LIPA: variants seen among roughly 807,000 people sequenced by gnomAD.
LIPA encodes the protein lysosomal acid lipase/cholesteryl ester hydrolase.
LIPA carries 26 observed loss-of-function variants against 40.6 expected under a neutral mutation model. The ratio of observed to expected loss-of-function variants is 0.64; its 90% confidence interval spans 0.47 to 0.89. The LOEUF is 0.89. Among genes scored for constraint, LIPA ranks in the 40% least tolerant of loss-of-function variants. The pLI is 0.00. For missense variants in LIPA, 455 were observed against 479.6 expected (o/e 0.95, Z 0.48); for synonymous variants, 188 against 168.4 (o/e 1.12, Z -0.90).
chr10:89,384,606 C>G, intron 2 of LIPA: 2 of 1,614,128 alleles, frequency 1.2e-6, no homozygotes, highest in African/African-American at 1.3e-5. Flanking sequence ...GATGTATTCA[C>G]CAGAATGTAC....
At chr10:89,329,320 G>T (rs933694796) in intron 1 of LIPA, among the ~76,000 whole-genome samples, 5 of 152,200 alleles carry the variant, frequency 3.3e-5, no homozygotes, top group African/African-American at 1.2e-4. Context: ...TATAGAATAA[G>T]TTCCTGGTCA....
In LIPA at chr10:89,228,379, G is replaced by T; in HGVS notation, c.249C>A (p.Phe83Leu). 1.2e-6 allele frequency: 2 copies of T among 1,614,192 alleles called. No homozygotes were observed. The highest frequency in any genetic ancestry group is 2.2e-5 in the East Asian group (1 of 44,886). Residue 83 changes from phenylalanine (F) to leucine (L), a missense_variant, in exon 4 of 10, where the codon TTC becomes TTA. Transcript: ENST00000336233. ...AATCTGCCAGCAAGCCATGTTGCAG[G>T]AAGACAACTGGTTTGGGACCTGAAA... ...HSDKGPKPVV[F>L]LQHGLLADSS... is the part of the protein sequence containing the mutation.
chr10:89,359,640 C>T (rs80304045), intron 2 of LIPA, among the ~76,000 whole-genome samples: 1,938 of 152,278 alleles, frequency 0.013, 24 homozygotes, highest in Middle Eastern at 0.041. Context: ...TGCTCCTATT[C>T]GCAGAGGCTC....
At chr10:89,283,930 G>A (rs1843328012) in intron 1 of LIPA, 1 of 152,202 alleles carries the variant, frequency 6.6e-6, no homozygotes, top group South Asian at 2.1e-4. Flanking sequence ...TTGAAATTAT[G>A]TTGTGTGCCT....
upstream of LIPA, among the ~76,000 whole-genome samples, chr10:89,346,015 G>T (rs11203082): frequency 0.015 from 2,340 of 152,254 alleles, 29 homozygotes; most frequent in African/African-American, 0.035. Context: ...TGCCTTTGAG[G>T]CAGAAAGATT....
At chr10:89,279,627 T>C (rs1004923388) in intron 1 of LIPA, among the ~76,000 whole-genome samples, 9 of 152,230 alleles carry the variant, frequency 5.9e-5, no homozygotes, top group African/African-American at 1.9e-4. Flanking sequence ...GAAAAATTCA[T>C]TCATTTCCTG....
At chr10:89,344,443 T>G (rs911093307), upstream of LIPA, among the ~76,000 whole-genome samples, 3 of 152,148 alleles carry the variant, frequency 2.0e-5, no homozygotes, top group Non-Finnish European at 2.9e-5. Context: ...ATTCAGAGGT[T>G]AAACTGGAGA....
intron 1 of LIPA, among the ~76,000 whole-genome samples, chr10:89,264,307 T>C (rs1426595273): frequency 2.6e-5 from 4 of 152,320 alleles, no homozygotes; most frequent in East Asian, 3.9e-4. Flanking sequence ...AAGTCCTTTA[T>C]TGAGCAACAG....
chr10:89,334,070 A>G (rs1843691906), intron 1 of LIPA, among the ~76,000 whole-genome samples: 1 of 152,232 alleles, frequency 6.6e-6, no homozygotes, highest in Non-Finnish European at 1.5e-5. Flanking sequence ...GACAAGCTGC[A>G]CATGTGCAGA....
chr10:89,335,310 G>T (rs1199061290), intron 1 of LIPA: 2 of 152,104 alleles, frequency 1.3e-5, no homozygotes, highest in African/African-American at 2.4e-5. Flanking sequence ...GCATTGGTGG[G>T]GATGGAATAT....
chr10:89,226,274 T>C (rs1278458650), intron 5 of LIPA, among the ~76,000 whole-genome samples: 1 of 152,200 alleles, frequency 6.6e-6, no homozygotes, highest in East Asian at 1.9e-4. Flanking sequence ...GAATATATTG[T>C]AAGGAAAGCA....
intron 2 of LIPA, among the ~76,000 whole-genome samples, chr10:89,349,484 A>G (rs1325082889): frequency 6.6e-6 from 1 of 152,192 alleles, no homozygotes; most frequent in Non-Finnish European, 1.5e-5. Context: ...TTCAATTATC[A>G]AGCCCTCAAA....
At chr10:89,349,962 C>G (rs6586190) in intron 2 of LIPA, among the ~76,000 whole-genome samples, 10,506 of 152,188 alleles carry the variant, frequency 0.069, 917 homozygotes, top group African/African-American at 0.2. Flanking sequence ...ATTCAAGAAA[C>G]GGGATAACAA....
At chr10:89,314,064 T>C (rs1843529735) in intron 1 of LIPA, among the ~76,000 whole-genome samples, 2 of 152,232 alleles carry the variant, frequency 1.3e-5, no homozygotes, top group Admixed American at 6.5e-5. Context: ...ATTCCAAATA[T>C]AATAAAGAAA....
At chr10:89,309,731 A>C (rs184203513) in intron 1 of LIPA, among the ~76,000 whole-genome samples, 1 of 152,378 alleles carries the variant, frequency 6.6e-6, no homozygotes, top group East Asian at 1.9e-4. Context: ...TACACTTAAT[A>C]TGAGGGCTTA....
At chr10:89,269,017 G>T (rs1476657085) in intron 1 of LIPA, among the ~76,000 whole-genome samples, 1 of 148,888 alleles carries the variant, frequency 6.7e-6, no homozygotes, top group Non-Finnish European at 1.5e-5. Flanking sequence ...TACTTTAAAT[G>T]ATTTACTTTA....
At chr10:89,241,405 G>A (rs1177888572) in intron 3 of LIPA, among the ~76,000 whole-genome samples, 1 of 152,130 alleles carries the variant, frequency 6.6e-6, no homozygotes, top group African/African-American at 2.4e-5. Context: ...CACCACCAGG[G>A]GTGAGGAATT....
At position 89,216,107 on chromosome 10, in the gene LIPA, T is replaced by C. The variant is rs545772932; in HGVS notation, c.895-98A>G. ...TAGCCACAACCTCGGAAATCAACTTTATACCAATATCCAGATTTACTCTTC... is the reference window on the plus strand; with the variant it reads ...TAGCCACAACCTCGGAAATCAACTTCATACCAATATCCAGATTTACTCTTC... On this transcript the variant is annotated intron_variant, in intron 8 of 9. Transcript: ENST00000336233. 4.6e-5 allele frequency: 37 copies of C among 798,588 alleles called. No homozygotes were observed. In the African/African-American group the frequency reaches 5.6e-4, roughly 12 times the overall value. 49.5% of individuals were successfully genotyped at this position (798,588 alleles called of 1,614,324 possible). A position where few individuals can be genotyped will look rare whatever the true frequency, so the allele number is the denominator to read the frequency against.
At chr10:89,346,706 TG>T (rs1352076894), upstream of LIPA, among the ~76,000 whole-genome samples, 1 of 152,226 alleles carries the variant, frequency 6.6e-6, no homozygotes, top group Non-Finnish European at 1.5e-5. Context: ...TCTTTTCTTC[TG>T]ATTTATGTGG....
Sources: allele counts gnomAD v4.1 joint callset (sites outside exome capture counted in the v4.1 genomes callset), GRCh38; gene constraint gnomAD v4.1.1; transcripts MANE v1.5; gene names NCBI Gene and HGNC (gene_info 2026-07-23, HGNC 2026-07-21).